The following TAAR5 variants were observed in gnomAD, a reference collection of about 807,000 sequenced individuals.
TAAR5 encodes trace amine associated receptor 5, also known as trace amine-associated receptor 5.
TAAR5 carries 27 observed loss-of-function variants against 21.1 expected under a neutral mutation model. The observed-to-expected ratio is 1.28, with a 90% confidence interval of 0.94 to 1.76. The LOEUF is 1.76. Among genes scored for constraint, TAAR5 ranks in the 40% most tolerant of loss-of-function variants. The pLI is 0.00. For synonymous variants in TAAR5, 203 were observed against 167.5 expected, an observed-to-expected ratio of 1.21 and a Z score of -1.64; for missense variants, 495 against 405.6, an observed-to-expected ratio of 1.22 and a Z score of -1.89.
chr6:132,603,376 A>G, the TAAR5 span, among the ~76,000 whole-genome samples: 1 of 151,444 alleles, frequency 6.6e-6, no homozygotes, highest in East Asian at 1.9e-4. Context: ...CAAAATTAGT[A>G]TTCTTATTTA....
chr6:132,591,458 C>G (rs550353390), upstream of TAAR5, among the ~76,000 whole-genome samples: 9 of 152,296 alleles, frequency 5.9e-5, no homozygotes, highest in African/African-American at 2.2e-4. Context: ...AAATCCATGG[C>G]TAAACCCAGT....
At chr6:132,605,765 A>G in the TAAR5 span, among the ~76,000 whole-genome samples, 4 of 151,762 alleles carry the variant, frequency 2.6e-5, no homozygotes, top group South Asian at 8.3e-4. Context: ...CCTGAATCTT[A>G]GATAAACATC....
the TAAR5 span, chr6:132,595,107 G>A: frequency 7.9e-5 from 12 of 152,726 alleles, no homozygotes; most frequent in African/African-American, 2.9e-4. Flanking sequence ...TGTCACAGCA[G>A]CTGTGGACTT....
chr6:132,614,020 T>G, the TAAR5 span, among the ~76,000 whole-genome samples: 1 of 152,214 alleles, frequency 6.6e-6, no homozygotes, highest in Non-Finnish European at 1.5e-5. Context: ...GAAAAACAGA[T>G]AAGAAAGATC....
chr6:132,594,159 A>T (rs1208251535), upstream of TAAR5, among the ~76,000 whole-genome samples: 1 of 152,200 alleles, frequency 6.6e-6, no homozygotes, highest in African/African-American at 2.4e-5. Flanking sequence ...AGGAGTCAGT[A>T]AGACTTGGGA....
the TAAR5 span, among the ~76,000 whole-genome samples, chr6:132,602,778 TCAAA>T: frequency 2.2e-5 from 1 of 45,730 alleles, no homozygotes; most frequent in Non-Finnish European, 4.1e-5. Flanking sequence ...CCTTTAGAAG[TCAAA>T]AAAAAAAAAA....
At chr6:132,600,459 G>A in the TAAR5 span, among the ~76,000 whole-genome samples, 3 of 152,142 alleles carry the variant, frequency 2.0e-5, no homozygotes, top group Non-Finnish European at 4.4e-5. Flanking sequence ...TTAATGCACA[G>A]GCTCTGAACT....
the TAAR5 span, among the ~76,000 whole-genome samples, chr6:132,600,983 A>G: frequency 5.1e-5 from 6 of 117,414 alleles, no homozygotes; most frequent in African/African-American, 1.1e-4. Context: ...GAGGGAAAGA[A>G]GGAAGGAAGG....
At chr6:132,607,773 G>A in the TAAR5 span, among the ~76,000 whole-genome samples, 1 of 152,154 alleles carries the variant, frequency 6.6e-6, no homozygotes, top group Admixed American at 6.6e-5. Context: ...CAAAACATAT[G>A]ATAAGGCAGG....
chr6:132,607,255 CTCTCCT>C, the TAAR5 span, among the ~76,000 whole-genome samples: 29 of 151,994 alleles, frequency 1.9e-4, no homozygotes, highest in Non-Finnish European at 3.4e-4. Context: ...GAACATTCTA[CTCTCCT>C]TCTCCTTCTC....
chr6:132,595,812 A>T, the TAAR5 span, among the ~76,000 whole-genome samples: 1 of 152,214 alleles, frequency 6.6e-6, no homozygotes, highest in African/African-American at 2.4e-5. Context: ...TTTTTAAACA[A>T]TAAAATCTCC....
rs746690960 is a variant in TAAR5 at position 132,589,311 on chromosome 6, A to G, written c.376T>C (p.Cys126Arg). Reference protein sequence around the residue: ...LFCLTSIFHLCFISIDRHCAI... With the variant: ...LFCLTSIFHLRFISIDRHCAI... ...CAGTGGCGGTCAATGGAAATGAAACAGAGATGGAAGATGGAGGTGAGGCAG... is the reference window on the plus strand; with the variant it reads ...CAGTGGCGGTCAATGGAAATGAAACGGAGATGGAAGATGGAGGTGAGGCAG... The change falls in exon 1 of 1, where the codon TGT (cysteine) becomes CGT (arginine). Residue 126 changes from cysteine (C) to arginine (R), a missense_variant. Physicochemically the swap from Cys to Arg is radical, Grantham distance 180 (BLOSUM62 -3). Transcript: ENST00000258034. 6 of 1,613,420 alleles carry G rather than the reference A, an allele frequency of 3.7e-6. No homozygotes were observed. In the African/African-American group the frequency reaches 8.0e-5, roughly 22 times the overall value.
At chr6:132,607,731 T>G in the TAAR5 span, among the ~76,000 whole-genome samples, 1 of 152,132 alleles carries the variant, frequency 6.6e-6, no homozygotes, top group East Asian at 1.9e-4. Context: ...AATAACTGAA[T>G]AGTTTGTAAA....
the TAAR5 span, among the ~76,000 whole-genome samples, chr6:132,600,875 G>A: frequency 7.5e-3 from 353 of 46,944 alleles, no homozygotes; most frequent in African/African-American, 0.014. Context: ...GAAGGAGAGA[G>A]GGAAGGAGGG....
chr6:132,605,349 T>C, the TAAR5 span, among the ~76,000 whole-genome samples: 3 of 152,248 alleles, frequency 2.0e-5, no homozygotes, highest in Non-Finnish European at 2.9e-5. Context: ...TTATAGTCTT[T>C]AATGAGTACT....
At chr6:132,607,723 T>C in the TAAR5 span, among the ~76,000 whole-genome samples, 1 of 152,114 alleles carries the variant, frequency 6.6e-6, no homozygotes, top group African/African-American at 2.4e-5. Context: ...TATCAGAAAA[T>C]AACTGAATAG....
the TAAR5 span, among the ~76,000 whole-genome samples, chr6:132,610,647 C>T: frequency 6.6e-6 from 1 of 152,168 alleles, no homozygotes; most frequent in East Asian, 1.9e-4. Flanking sequence ...CTTCTTATTA[C>T]CAAGTCACAG....
chr6:132,608,503 C>T, the TAAR5 span: 3 of 454,840 alleles, frequency 6.6e-6, 1 homozygote, highest in East Asian at 6.9e-5. Context: ...CATTACTATA[C>T]CCAGTGTCTT....
At chr6:132,614,851 G>GTTTGGT in the TAAR5 span, among the ~76,000 whole-genome samples, 5 of 152,012 alleles carry the variant, frequency 3.3e-5, no homozygotes, top group South Asian at 2.1e-4. Context: ...GTTTGTTTTG[G>GTTTGGT]TTTGGTTTTG....
Sources: allele counts gnomAD v4.1 joint callset (sites outside exome capture counted in the v4.1 genomes callset), GRCh38; gene constraint gnomAD v4.1.1; transcripts MANE v1.5; gene names NCBI Gene and HGNC (gene_info 2026-07-23, HGNC 2026-07-21).